CLYBL: variants seen among roughly 807,000 people sequenced by gnomAD.
The protein encoded by CLYBL is citramalyl-CoA lyase, mitochondrial.
In CLYBL, 31 loss-of-function variants were observed where a neutral mutation model predicts 38.9. The ratio of observed to expected loss-of-function variants is 0.80; its 90% CI spans 0.60 to 1.08. CLYBL has a LOEUF of 1.08. CLYBL is among the 50% of genes least tolerant of loss of function. The pLI, the probability that CLYBL is intolerant of heterozygous loss-of-function variation, is 0.00. For missense variants in CLYBL, 434 were observed against 411.6 expected (o/e 1.05, Z -0.47); for synonymous variants, 171 against 158.6 (o/e 1.08, Z -0.59).
intron 2 of CLYBL, among the ~76,000 whole-genome samples, chr13:99,826,026 A>G (rs1359870801): frequency 6.6e-6 from 1 of 152,238 alleles, no homozygotes; most frequent in Non-Finnish European, 1.5e-5. Context: ...AGAAGGGAGA[A>G]GGCCAGACTC....
chr13:99,730,790 G>A (rs1385363446), intron 1 of CLYBL, among the ~76,000 whole-genome samples: 2 of 152,168 alleles, frequency 1.3e-5, no homozygotes, highest in African/African-American at 2.4e-5. Flanking sequence ...CCCCTAAAGA[G>A]TAGGGGCTTG....
rs1229551577 is a variant in CLYBL, at chr13:99,772,909, T to C, written c.148T>C (p.Tyr50His). 1.9e-6 allele frequency: 3 copies of C among 1,613,966 alleles called. No homozygotes were observed. Among genetic ancestry groups the C allele is most frequent in the Non-Finnish European group, 2.5e-6 (3 of 1,179,912 alleles). The stretch of plus-strand genomic sequence containing the variant: ...GTACATCCCCCGGAGGGCAGTGCTT[T>C]ATGTACCTGGAAATGATGAAAAGAA... ...HKYIPRRAVL[Y>H]VPGNDEKKIK... The change falls in exon 2 of 9, where the codon TAT (tyrosine) becomes CAT (histidine). Residue 50 changes from tyrosine to histidine, a missense_variant. By Grantham distance (83) the Tyr-to-His change is moderately conservative. Transcript: ENST00000339105.
At chr13:99,782,547 G>A (rs185737196) in intron 2 of CLYBL, among the ~76,000 whole-genome samples, 4 of 152,198 alleles carry the variant, frequency 2.6e-5, no homozygotes, top group African/African-American at 7.2e-5. Context: ...CAAAGGATGG[G>A]TACCTTGTTT....
intron 1 of CLYBL, among the ~76,000 whole-genome samples, chr13:99,669,781 G>A (rs2047537657): frequency 6.6e-6 from 1 of 152,190 alleles, no homozygotes; most frequent in Non-Finnish European, 1.5e-5. Flanking sequence ...TCCTAGAACT[G>A]CAAGACAAGT....
chr13:99,719,177 G>C (rs894454579), intron 1 of CLYBL, among the ~76,000 whole-genome samples: 1 of 146,082 alleles, frequency 6.8e-6, no homozygotes, highest in African/African-American at 2.5e-5. Context: ...TTTAAGACAG[G>C]GTCTCTCTCT....
intron 1 of CLYBL, among the ~76,000 whole-genome samples, chr13:99,634,768 G>A (rs2046995771): frequency 1.3e-5 from 2 of 152,202 alleles, no homozygotes; most frequent in African/African-American, 4.8e-5. Context: ...TAAGGAATAT[G>A]ACAGAAATCG....
chr13:99,718,158 C>T (rs1594136779), intron 1 of CLYBL, among the ~76,000 whole-genome samples: 1 of 152,044 alleles, frequency 6.6e-6, no homozygotes, highest in East Asian at 1.9e-4. Context: ...AAACTATAGG[C>T]ATTAGCTACC....
At chr13:99,805,073 G>A (rs373717245) in intron 2 of CLYBL, among the ~76,000 whole-genome samples, 5 of 152,190 alleles carry the variant, frequency 3.3e-5, no homozygotes, top group African/African-American at 1.2e-4. Flanking sequence ...ATTCATTTGT[G>A]TTATAGTGTG....
At chr13:99,839,926 T>C (rs1230206435) in intron 2 of CLYBL, among the ~76,000 whole-genome samples, 1 of 151,956 alleles carries the variant, frequency 6.6e-6, no homozygotes, top group African/African-American at 2.4e-5. Context: ...TTCATATTTT[T>C]TTTTGTACTC....
intron 1 of CLYBL, among the ~76,000 whole-genome samples, chr13:99,770,076 CTTTCTTTTTTT>C (rs2049351072): frequency 4.9e-5 from 6 of 121,962 alleles, no homozygotes. Flanking sequence ...TTTTTCTTTT[CTTTCTTTTTTT>C]TTTTTTTTTT....
intron 2 of CLYBL, among the ~76,000 whole-genome samples, chr13:99,791,367 AAAAC>A (rs1373425694): frequency 1.3e-5 from 2 of 152,112 alleles, no homozygotes; most frequent in African/African-American, 2.4e-5. Flanking sequence ...TTTTAAAAAA[AAAAC>A]AAACAAAAAA....
intron 1 of CLYBL, among the ~76,000 whole-genome samples, chr13:99,730,337 C>G (rs575389454): frequency 9.2e-5 from 14 of 152,380 alleles, no homozygotes; most frequent in African/African-American, 3.4e-4. Context: ...GCACTGAGGA[C>G]CTGTCAGGCC....
chr13:99,896,933 A>G (rs1369958783), downstream of CLYBL: 1 of 152,198 alleles, frequency 6.6e-6, no homozygotes, highest in African/African-American at 2.4e-5. Flanking sequence ...ACTGGGTGCC[A>G]GAGGGGCCAG....
intron 2 of CLYBL, among the ~76,000 whole-genome samples, chr13:99,823,828 C>A (rs1275125491): frequency 6.6e-6 from 1 of 152,186 alleles, no homozygotes; most frequent in Non-Finnish European, 1.5e-5. Context: ...TTTTCCCCAA[C>A]AAGTTGTCAT....
chr13:99,871,280 A>C (rs2051889334), intron 7 of CLYBL, among the ~76,000 whole-genome samples: 1 of 152,190 alleles, frequency 6.6e-6, no homozygotes, highest in Non-Finnish European at 1.5e-5. Flanking sequence ...CAAGTCCCTC[A>C]TTTTATTCTT....
At position 99,624,207 on chromosome 13, in the gene CLYBL, C is replaced by T. The variant is rs2046838284; in HGVS notation, c.62+17450C>T. Among the ~76,000 whole-genome samples the T allele has an allele frequency of 2.0e-5, 3 of 152,146 alleles. No individual in the cohort carries two copies. In the South Asian group the frequency reaches 6.2e-4, roughly 32 times the overall value. ...ACCAGCCACGAATGTGTGCATCTCC[C>T]TGTTATGTTTGGTCTCCTGCACTGG... On this transcript the variant is annotated intron_variant, in intron 1 of 8. Transcript: ENST00000339105.
intron 1 of CLYBL, among the ~76,000 whole-genome samples, chr13:99,704,585 G>A (rs746770925): frequency 6.6e-6 from 1 of 152,152 alleles, no homozygotes; most frequent in Non-Finnish European, 1.5e-5. Context: ...TATGACCTGT[G>A]AACAGGGAAA....
chr13:99,822,442 G>C (rs1400682218), intron 2 of CLYBL, among the ~76,000 whole-genome samples: 1 of 152,190 alleles, frequency 6.6e-6, no homozygotes, highest in East Asian at 1.9e-4. Context: ...AAAGCTGAAA[G>C]TCCCTTTAAG....
At chr13:99,744,565 G>C (rs903695944) in intron 1 of CLYBL, among the ~76,000 whole-genome samples, 1 of 152,114 alleles carries the variant, frequency 6.6e-6, no homozygotes, top group Admixed American at 6.5e-5. Context: ...ACCTAAAATC[G>C]CTAAGCCCTC....
Sources: gnomAD v4.1 joint callset for allele counts (sites outside exome capture counted in the v4.1 genomes callset) on GRCh38, gnomAD v4.1.1 for gene constraint, MANE v1.5 for transcripts, NCBI Gene and HGNC (gene_info 2026-07-23, HGNC 2026-07-21) for gene names.